The following TLK1 variants were observed in gnomAD, a reference collection of about 807,000 sequenced individuals.
The protein encoded by TLK1 is serine/threonine-protein kinase tousled-like 1.
In TLK1, 24 loss-of-function variants were observed where a neutral mutation model predicts 105.3. That is an observed-to-expected ratio of 0.23 (90% CI 0.17 to 0.32). The LOEUF (loss-of-function observed/expected upper bound fraction) is 0.32, where lower values mean the gene tolerates loss of function less well. Among genes scored for constraint, TLK1 ranks in the 10% least tolerant of loss-of-function variants. The pLI is 1.00. For missense variants in TLK1, 558 were observed against 910.5 expected, an observed-to-expected ratio of 0.61 and a Z score of 4.98; for synonymous variants, 321 against 310.4, an observed-to-expected ratio of 1.03 and a Z score of -0.36.
chr2:171,187,858 A>C (rs1003683403), intron 1 of TLK1, among the ~76,000 whole-genome samples: 1 of 152,216 alleles, frequency 6.6e-6, no homozygotes, highest in Non-Finnish European at 1.5e-5. Context: ...TGAATGGATG[A>C]ATAAGAAACT....
At chr2:171,078,868 C>T (rs1558929119) in intron 3 of TLK1, among the ~76,000 whole-genome samples, 2 of 152,220 alleles carry the variant, frequency 1.3e-5, no homozygotes, top group Non-Finnish European at 2.9e-5. Context: ...CCCTCCAACG[C>T]AATCCTCTAC....
At chr2:171,155,138 T>C (rs1692184609) in intron 1 of TLK1, among the ~76,000 whole-genome samples, 1 of 152,180 alleles carries the variant, frequency 6.6e-6, no homozygotes, top group South Asian at 2.1e-4. Context: ...CTTTTCAGAC[T>C]CTCTAGCTTT....
chr2:171,151,106 C>T (rs1258354904), intron 1 of TLK1, among the ~76,000 whole-genome samples: 2 of 152,004 alleles, frequency 1.3e-5, no homozygotes, highest in African/African-American at 4.8e-5. Context: ...ACTGCAGCCT[C>T]AACCTCCTGG....
rs113893104 is a variant in TLK1, at chr2:171,130,703, A to G, written c.140-12846T>C. Among the ~76,000 whole-genome samples the G allele has an allele frequency of 2.6e-3, 393 of 152,288 alleles. 1 individual carries two copies. The highest frequency in any genetic ancestry group is 8.3e-3 in the African/African-American group (343 of 41,560). On this transcript the variant is annotated intron_variant, in intron 1 of 20. Coordinates refer to ENST00000431350, the MANE Select transcript of TLK1 (RefSeq NM_012290.5). ...ACCTTCAAATAAGGAACAAAAATAA[A>G]TAAATTTTATCCACCAGATTTCCAA...
chr2:171,126,554 C>G, intron 1 of TLK1, among the ~76,000 whole-genome samples: 1 of 152,056 alleles, frequency 6.6e-6, no homozygotes, highest in East Asian at 1.9e-4. Context: ...AAGTCTTAAT[C>G]TTCCTTGACG....
In TLK1 at chr2:171,160,155, C is replaced by T; in HGVS notation, c.139+135G>A. The T allele has an allele frequency of 2.9e-6, 3 of 1,022,162 alleles. No individual in the cohort carries two copies. The highest frequency in any genetic ancestry group is 3.8e-6 in the Non-Finnish European group (3 of 794,368). 63.3% of individuals were successfully genotyped at this position (1,022,162 alleles called of 1,614,324 possible). A position where few individuals can be genotyped will look rare whatever the true frequency, so the allele number is the denominator to read the frequency against. On this transcript the variant is annotated intron_variant, in intron 1 of 20. Coordinates refer to ENST00000431350, the MANE Select transcript of TLK1 (RefSeq NM_012290.5). The surrounding 1 kb of genome is among the most constrained non-coding windows in gnomAD (Gnocchi z 4.4). Reference sequence around the variant, plus strand: ...AGAGCCGGGGAGCCGGGCGGCCTCGCGTCCACCTCGCCACCATCCCCCACC... The same window carrying T: ...AGAGCCGGGGAGCCGGGCGGCCTCGTGTCCACCTCGCCACCATCCCCCACC...
At chr2:171,027,694 A>G (rs1037933279) in intron 12 of TLK1, among the ~76,000 whole-genome samples, 3 of 152,224 alleles carry the variant, frequency 2.0e-5, no homozygotes, top group Non-Finnish European at 4.4e-5. Flanking sequence ...TTTAGATTTC[A>G]TCTTTAAAAT....
intron 14 of TLK1, among the ~76,000 whole-genome samples, 157 bp from the exon 15 acceptor site, chr2:171,007,220 G>A (rs1205013375): frequency 1.3e-5 from 2 of 151,980 alleles, no homozygotes; most frequent in Non-Finnish European, 2.9e-5. Context: ...ATAGCTCAAT[G>A]ACACTTTTAT....
At chr2:170,995,678 C>A (rs751327741) in intron 20 of TLK1, among the ~76,000 whole-genome samples, 5 of 152,138 alleles carry the variant, frequency 3.3e-5, no homozygotes, top group African/African-American at 4.8e-5. Context: ...AAAAATAATT[C>A]ATTTTGCTTT....
intron 17 of TLK1, 36 bp from the exon 18 acceptor site, chr2:171,006,318 T>C (rs1003906649): frequency 1.2e-5 from 18 of 1,541,030 alleles, no homozygotes; most frequent in Non-Finnish European, 1.5e-5. Flanking sequence ...TAATGATACA[T>C]ACATGAAAAA....
chr2:171,022,096 C>CACACAGACACACACAG (rs895476914), intron 12 of TLK1, among the ~76,000 whole-genome samples: 1 of 150,488 alleles, frequency 6.6e-6, no homozygotes, highest in East Asian at 1.9e-4. Flanking sequence ...AACACACACA[C>CACACAGACACACACAG]ACACACACAC....
At chr2:171,194,493 T>C (rs11897883) in intron 1 of TLK1, among the ~76,000 whole-genome samples, 3,738 of 152,264 alleles carry the variant, frequency 0.025, 148 homozygotes, top group African/African-American at 0.084. Context: ...AAAAGTTCAG[T>C]GAAATAAAAT....
At chr2:171,119,633 T>C (rs115847582) in intron 1 of TLK1, among the ~76,000 whole-genome samples, 1 of 152,196 alleles carries the variant, frequency 6.6e-6, no homozygotes, top group Non-Finnish European at 1.5e-5. Flanking sequence ...GACATATATA[T>C]AGAGCAATGG....
intron 3 of TLK1, among the ~76,000 whole-genome samples, chr2:171,079,785 A>C (rs1387263781): frequency 6.6e-6 from 1 of 152,192 alleles, no homozygotes; most frequent in East Asian, 1.9e-4. Context: ...TCCAGTTTTA[A>C]TAGTAAGGGT....
intron 12 of TLK1, among the ~76,000 whole-genome samples, chr2:171,016,989 C>T (rs1685243386): frequency 6.6e-6 from 1 of 152,080 alleles, no homozygotes; most frequent in African/African-American, 2.4e-5. Context: ...CTTAATTTAA[C>T]TGAAATTTCC....
In TLK1 at chr2:171,004,206, G is replaced by A. The variant is rs1020909934; in HGVS notation, c.1904+1941C>T. Among the ~76,000 whole-genome samples, 16 of 152,082 alleles carry A rather than the reference G, an allele frequency of 1.1e-4. No individual in the cohort carries two copies. The East Asian group carries it at 1.4e-3, about 13-fold the overall frequency. On this transcript the variant is annotated intron_variant, in intron 18 of 20. Coordinates refer to ENST00000431350, the MANE Select transcript of TLK1 (RefSeq NM_012290.5). ...TCGAACTCCTGACCTCAAGTGATCCGCCCGCCTCAGCCTCTCAGAATGCTT... is the reference window on the plus strand; with the variant it reads ...TCGAACTCCTGACCTCAAGTGATCCACCCGCCTCAGCCTCTCAGAATGCTT...
At chr2:171,189,641 A>C (rs1693103620) in intron 1 of TLK1, among the ~76,000 whole-genome samples, 1 of 152,216 alleles carries the variant, frequency 6.6e-6, no homozygotes, top group African/African-American at 2.4e-5. Context: ...GAAGCATTTC[A>C]ATTTGTGATT....
intron 13 of TLK1, among the ~76,000 whole-genome samples, chr2:171,012,475 T>C (rs984983278): frequency 5.3e-5 from 8 of 152,112 alleles, no homozygotes; most frequent in African/African-American, 1.9e-4. Context: ...CACTGTATTT[T>C]TATTTATTTA....
upstream of TLK1, among the ~76,000 whole-genome samples, chr2:171,164,845 G>A (rs1021844014): frequency 6.6e-6 from 1 of 151,946 alleles, no homozygotes; most frequent in Admixed American, 6.6e-5. Context: ...TCAAGACTGG[G>A]CACGGTGCCT....
Sources: allele counts gnomAD v4.1 joint callset (sites outside exome capture counted in the v4.1 genomes callset), GRCh38; gene constraint gnomAD v4.1.1; non-coding constraint Gnocchi (gnomAD v3.1); transcripts MANE v1.5; gene names NCBI Gene and HGNC (gene_info 2026-07-23, HGNC 2026-07-21).